The following CASS4 variants were observed in gnomAD, a reference collection of about 807,000 sequenced individuals.
CASS4 encodes cas scaffolding protein family member 4.
In CASS4, 22 loss-of-function variants were observed where a neutral mutation model predicts 54.2. The observed-to-expected ratio is 0.41, with a 90% confidence interval of 0.29 to 0.58. CASS4 has a LOEUF of 0.58. Among genes scored for constraint, CASS4 ranks in the 20% least tolerant of loss-of-function variants. The pLI is 0.36. For missense variants in CASS4, 854 were observed against 986.7 expected (o/e 0.87, Z 1.80); for synonymous variants, 409 against 391.5 (o/e 1.04, Z -0.53).
chr20:56,451,174 G>A (rs756996149), intron 4 of CASS4, among the ~76,000 whole-genome samples: 4 of 152,118 alleles, frequency 2.6e-5, no homozygotes, highest in Non-Finnish European at 2.9e-5. Context: ...GGGATAAGTC[G>A]TTTAACTTCT....
intron 3 of CASS4, 147 bp downstream of exon 3, chr20:56,446,148 C>T: frequency 1.8e-6 from 1 of 566,884 alleles, no homozygotes; most frequent in Non-Finnish European, 3.2e-6. Flanking sequence ...CAGAGGCCAA[C>T]TTCATAACCT....
At position 56,452,042 on chromosome 20, in the gene CASS4, C is replaced by T. The variant is rs753397576; in HGVS notation, c.866C>T (p.Ser289Phe). 6.2e-7 allele frequency: 1 copy of T among 1,614,162 alleles called. No homozygotes were observed. Among genetic ancestry groups the T allele is most frequent in the Non-Finnish European group, 8.5e-7 (1 of 1,180,022 alleles). ...AATCCTCCAAGTGGCAGATCCAGGT[C>T]CCTCACTCCACAACTGAATAACAAT... ...FYNPPSGRSR[S>F]LTPQLNNNVP... The change falls in exon 5 of 6, where the codon TCC (serine) becomes TTC (phenylalanine). Residue 289 changes from serine (S) to phenylalanine (F), a missense_variant. By Grantham distance (155) the Ser-to-Phe change is radical (BLOSUM62 -2). Transcript: ENST00000679887.
Position 56,458,445 on chromosome 20 carries a change from A to G in CASS4, c.2059A>G (p.Ile687Val). 3 of 1,614,188 alleles carry G rather than the reference A, an allele frequency of 1.9e-6. No individual in the cohort carries two copies. Among genetic ancestry groups the G allele is most frequent in the Middle Eastern group, 1.6e-4 (1 of 6,062 alleles). The change falls in exon 6 of 6, where the codon ATC (isoleucine) becomes GTC (valine). Residue 687 changes from isoleucine (I) to valine (V), a missense_variant. Physicochemically the swap from Ile to Val is conservative, Grantham distance 29 (BLOSUM62 3). Transcript: ENST00000679887. The stretch of plus-strand genomic sequence containing the variant: ...CTACTTTGGGGCGCTCTTCAAAGCC[A>G]TCAGCGCATTTCACGGCAGCCTCAG... ...RLYFGALFKA[I>V]SAFHGSLSSS...
rs181366801 is a variant in CASS4 at position 56,419,869 on chromosome 20, C to T, written c.36+7375C>T. On this transcript the variant is annotated intron_variant, in intron 1 of 5. Transcript: ENST00000679887. ...ACCAGCCTGACCAACATGGAGAAAC[C>T]CCATCTCTACTAAAAACACAAAAAT... is the stretch of plus-strand genomic sequence containing the variant. Among the ~76,000 whole-genome samples, 191 of 152,166 alleles carry T rather than the reference C, an allele frequency of 1.3e-3. 2 individuals carry two copies. Among genetic ancestry groups the T allele is most frequent in the African/African-American group, 4.5e-3 (186 of 41,546 alleles).
chr20:56,458,854 T>C lies in CASS4; in HGVS notation c.*107T>C. The C allele has an allele frequency of 8.6e-7, 1 of 1,169,066 alleles. No individual in the cohort carries two copies. Among genetic ancestry groups the C allele is most frequent in the Non-Finnish European group, 1.2e-6 (1 of 844,666 alleles). 72.4% of individuals were successfully genotyped at this position (1,169,066 alleles called of 1,614,324 possible). A position where few individuals can be genotyped will look rare whatever the true frequency, so the allele number is the denominator to read the frequency against. ...CCAGCCGGGGCATACACCAATGAGC[T>C]GAAACAGACCTGGTGCCCAAAGCTG... On this transcript the variant is annotated 3_prime_UTR_variant, in exon 6 of 6. Coordinates refer to ENST00000679887, the MANE Select transcript of CASS4 (RefSeq NM_020356.4).
chr20:56,459,644 A>AT lies in CASS4; in HGVS notation c.*902dup. 1 of 160,676 alleles carries AT rather than the reference A, an allele frequency of 6.2e-6. No individual in the cohort carries two copies. The allele number at this position is 160,676 out of a possible 1,614,324, so 10.0% of individuals were successfully genotyped here. A position where few individuals can be genotyped will look rare whatever the true frequency, so the allele number is the denominator to read the frequency against. ...AGAGAAAGGAAGAGCTAATTTTTGT[A>AT]TTTTTAGTAGAGTCGGGGTTTCACC... On this transcript the variant is annotated 3_prime_UTR_variant, in exon 6 of 6. Transcript: ENST00000679887.
At chr20:56,438,301 A>C (rs914487716) in intron 2 of CASS4, among the ~76,000 whole-genome samples, 1 of 149,938 alleles carries the variant, frequency 6.7e-6, no homozygotes, top group Non-Finnish European at 1.5e-5. Flanking sequence ...AAAAAAAAAA[A>C]AGTATATCCC....
chr20:56,450,316 G>A (rs1026480828), intron 3 of CASS4, among the ~76,000 whole-genome samples: 5 of 152,130 alleles, frequency 3.3e-5, no homozygotes, highest in Non-Finnish European at 7.3e-5. Context: ...GAGCCACCAC[G>A]CCCGGCTGAG....
At chr20:56,431,587 T>A (rs1600754550) in intron 1 of CASS4, among the ~76,000 whole-genome samples, 1 of 152,200 alleles carries the variant, frequency 6.6e-6, no homozygotes, top group Non-Finnish European at 1.5e-5. Flanking sequence ...ATATCAAGAA[T>A]AAGACTGCTG....
In CASS4 at chr20:56,437,384, G is replaced by A. The variant is rs1306718429; in HGVS notation, c.257G>A (p.Gly86Asp). The A allele has an allele frequency of 1.9e-6, 3 of 1,613,996 alleles. No homozygotes were observed. The highest frequency in any genetic ancestry group is 2.2e-5 in the East Asian group (1 of 44,888). ...AGGCCGTGCCCCCCATTCCTGAGAG[G>A]CCTGGAAGAAGCTCCTGCCAGCTCA... ...ADRPCPPFLR[G>D]LEEAPASSEE... Residue 86 changes from glycine to aspartate, a missense_variant, in exon 2 of 6, where the codon GGC (glycine) becomes GAC (aspartate). Transcript: ENST00000679887. This position sits in a 1 kb window ranked among gnomAD's most constrained non-coding sequence, Gnocchi z 4.7.
Position 56,436,877 on chromosome 20 carries a change from A to G in CASS4, c.37-287A>G, listed in dbSNP as rs1258474749. On this transcript the variant is annotated intron_variant, in intron 1 of 5. Transcript: ENST00000679887. ...ACTCCAGCCTGGGCAACAGAGTGAG[A>G]CCCTGTCTCAAAACCAAAAACAAAC... Among the ~76,000 whole-genome samples, 2 of 152,066 alleles carry G rather than the reference A, an allele frequency of 1.3e-5. 1 individual carries two copies. The highest frequency in any genetic ancestry group is 3.9e-4 in the East Asian group (2 of 5,172).
rs1254434665 is a variant in CASS4 at position 56,437,539 on chromosome 20, A to C, written c.412A>C (p.Thr138Pro). ...AQVYEFPDPP[T>P]SARIICEKTL... ...AGTCTATGAATTCCCCGACCCTCCC[A>C]CCAGTGCCAGAATCATCTGTGAAAA... Residue 138 changes from threonine to proline, a missense_variant, in exon 2 of 6, where the codon ACC becomes CCC. By Grantham distance (38) the Thr-to-Pro change is conservative. Coordinates refer to ENST00000679887, the MANE Select transcript of CASS4 (RefSeq NM_020356.4). This position sits in a 1 kb window ranked among gnomAD's most constrained non-coding sequence, Gnocchi z 4.7. The C allele has an allele frequency of 1.3e-6, 2 of 1,567,738 alleles. No homozygotes were observed. Among genetic ancestry groups the C allele is most frequent in the African/African-American group, 2.7e-5 (2 of 73,038 alleles).
intron 1 of CASS4, among the ~76,000 whole-genome samples, chr20:56,415,693 C>G (rs1979097445): frequency 6.6e-6 from 1 of 152,146 alleles, no homozygotes; most frequent in African/African-American, 2.4e-5. Flanking sequence ...AACAACCCTG[C>G]CTTTCATTCA....
chr20:56,442,245 G>A (rs1000479126), intron 2 of CASS4, among the ~76,000 whole-genome samples: 1 of 151,718 alleles, frequency 6.6e-6, no homozygotes, highest in African/African-American at 2.4e-5. Flanking sequence ...AGGCGTCTAT[G>A]TGTCAGAATC....
rs369890182 is a variant in CASS4 at position 56,458,500 on chromosome 20, A to G, written c.2114A>G (p.Gln705Arg). The G allele has an allele frequency of 3.0e-5, 48 of 1,614,174 alleles. No homozygotes were observed. In the African/African-American group the frequency reaches 5.9e-4, roughly 20 times the overall value. ...SSSQPAEIITQSKLVIMVGQK... is the reference protein window; with the variant it reads ...SSSQPAEIITRSKLVIMVGQK... ...AGCCAGCCCGCGGAGATCATCACTC[A>G]GAGCAAGCTGGTCATCATGGTGGGA... is the stretch of plus-strand genomic sequence containing the variant. The change falls in exon 6 of 6, where the codon CAG becomes CGG. Residue 705 changes from glutamine to arginine, a missense_variant. Physicochemically the swap from Gln to Arg is conservative, Grantham distance 43. Coordinates refer to ENST00000679887, the MANE Select transcript of CASS4 (RefSeq NM_020356.4).
At chr20:56,450,531 A>G in intron 3 of CASS4, 68 bp from the exon 4 acceptor site, 2 of 1,366,722 alleles carry the variant, frequency 1.5e-6, no homozygotes, top group Non-Finnish European at 2.1e-6. Flanking sequence ...TGGAATAGGG[A>G]GTGTTCGTGA....
chr20:56,416,212 G>A (rs923531426), intron 1 of CASS4, among the ~76,000 whole-genome samples: 1 of 152,134 alleles, frequency 6.6e-6, no homozygotes, highest in African/African-American at 2.4e-5. Flanking sequence ...ACCATGCTCA[G>A]CTAATTTCTG....
At chr20:56,419,074 G>A (rs992698451) in intron 1 of CASS4, among the ~76,000 whole-genome samples, 1 of 152,064 alleles carries the variant, frequency 6.6e-6, no homozygotes, top group Non-Finnish European at 1.5e-5. Context: ...GACAGGCATT[G>A]GCCGACACGA....
chr20:56,439,687 A>C (rs919613651), intron 2 of CASS4, among the ~76,000 whole-genome samples: 2 of 152,222 alleles, frequency 1.3e-5, no homozygotes, highest in East Asian at 1.9e-4. Context: ...GTCTTAAAAA[A>C]TAATAAAACA....
Sources: allele counts gnomAD v4.1 joint callset (sites outside exome capture counted in the v4.1 genomes callset), GRCh38; gene constraint gnomAD v4.1.1; non-coding constraint Gnocchi (gnomAD v3.1); transcripts MANE v1.5; gene names NCBI Gene and HGNC (gene_info 2026-07-23, HGNC 2026-07-21).